TRIM31: variants seen among roughly 807,000 people sequenced by gnomAD.
The protein encoded by TRIM31 is tripartite motif containing 31.
TRIM31 carries 31 observed loss-of-function variants against 40.6 expected under a neutral mutation model. That is an observed-to-expected ratio of 0.76 (90% CI 0.57 to 1.03). The LOEUF is 1.03. Ranked by LOEUF, TRIM31 falls within the 50% of genes least tolerant of loss-of-function variation. The probability of loss-of-function intolerance (pLI) is 0.00; values close to 1 mark genes in which losing one functional copy is unlikely to be tolerated. For missense variants in TRIM31, 455 were observed against 497.5 expected, an observed-to-expected ratio of 0.91 and a Z score of 0.81; for synonymous variants, 164 against 193.9, an observed-to-expected ratio of 0.85 and a Z score of 1.28.
rs375911294 is a variant in TRIM31, at chr6:30,111,608, GT to G, written c.513+39del. On this transcript the variant is annotated intron_variant, in intron 3 of 8. Coordinates refer to ENST00000376734, the MANE Select transcript of TRIM31 (RefSeq NM_007028.5). The stretch of plus-strand genomic sequence containing the variant: ...GGATTCCAGGAGCTTTGGCAGAGAT[GT>G]TTCTGCTTCCAGAGATCGTGGGATG... The G allele has an allele frequency of 0.011, 17,117 of 1,592,958 alleles. 924 individuals carry two copies. In the South Asian group the frequency reaches 0.13, roughly 12 times the overall value.
Position 30,107,143 on chromosome 6 carries a change from G to A in TRIM31, c.883+910C>T, listed in dbSNP as rs551156476. The stretch of plus-strand genomic sequence containing the variant: ...AACAAATAAATAAAGTTGCTAGATC[G>A]GCTGAGATCATGCCCAGTGGGGTGG... On this transcript the variant is annotated intron_variant, in intron 6 of 8. Coordinates refer to ENST00000376734, the MANE Select transcript of TRIM31 (RefSeq NM_007028.5). 1.2e-4 allele frequency among the ~76,000 whole-genome samples: 18 copies of A among 152,224 alleles called. No homozygotes were observed. The South Asian group carries it at 2.3e-3, about 19-fold the overall frequency.
At chr6:30,108,950 C>A in intron 5 of TRIM31, 76 bp downstream of exon 5, 1 of 1,481,270 alleles carries the variant, frequency 6.8e-7, no homozygotes, top group African/African-American at 1.4e-5. Flanking sequence ...GGAATGTTGA[C>A]TGCATTTGGA....
chr6:30,112,898 G>T lies in TRIM31; in HGVS notation c.-83-10C>A. 7.7e-7 allele frequency: 1 copy of T among 1,298,088 alleles called. No individual in the cohort carries two copies. The highest frequency in any genetic ancestry group is 1.0e-6 in the Non-Finnish European group (1 of 964,826). 80.4% of individuals were successfully genotyped at this position (1,298,088 alleles called of 1,614,324 possible). ...ACTGTGGATACTGTTTCTAGGAAGG[G>T]AGAAGGGAGTCAGAGAAAGTGGAGG... On this transcript the variant is annotated splice_polypyrimidine_tract_variant and intron_variant, in intron 1 of 8. Transcript: ENST00000376734.
chr6:30,110,664 A>G lies in TRIM31; in HGVS notation c.528T>C (p.His176=), dbSNP rs779795574. Residue 176 remains histidine (H), a synonymous_variant, in exon 4 of 9, where the codon CAT becomes CAC. Coordinates refer to ENST00000376734, the MANE Select transcript of TRIM31 (RefSeq NM_007028.5). The part of the protein sequence containing the change: ...RVDVFTDQVE[H]EKQRILTEFE... Reference sequence around the variant, plus strand: ...ATTCTGTGAGGATCCTTTGCTTCTCATGTTCTACCTGGTCCTAAGAAACAG... The same window carrying G: ...ATTCTGTGAGGATCCTTTGCTTCTCGTGTTCTACCTGGTCCTAAGAAACAG... The G allele has an allele frequency of 6.2e-7, 1 of 1,614,090 alleles. No individual in the cohort carries two copies. The highest frequency in any genetic ancestry group is 8.5e-7 in the Non-Finnish European group (1 of 1,180,016).
intron 3 of TRIM31, 145 bp from the exon 4 acceptor site, chr6:30,110,823 A>G (rs900792842): frequency 2.7e-6 from 2 of 751,604 alleles, no homozygotes; most frequent in African/African-American, 3.5e-5. Context: ...AAAGGAAAGG[A>G]GAGGAGAACA....
intron 4 of TRIM31, 131 bp from the exon 5 acceptor site, chr6:30,109,179 C>T: frequency 1.2e-6 from 1 of 854,114 alleles, no homozygotes. Flanking sequence ...TCTCTTACCC[C>T]ATCCTCCTCC....
Position 30,107,952 on chromosome 6 carries a change from G to T in TRIM31, c.883+101C>A, listed in dbSNP as rs1463077754. 8.8e-6 allele frequency: 7 copies of T among 795,536 alleles called. No homozygotes were observed. The African/African-American group carries it at 1.2e-4, about 14-fold the overall frequency. 49.3% of individuals were successfully genotyped at this position (795,536 alleles called of 1,614,324 possible). On this transcript the variant is annotated intron_variant, in intron 6 of 8. Transcript: ENST00000376734. The stretch of plus-strand genomic sequence containing the variant: ...AAGCCTGGCACTAGAAGGGCCCAGG[G>T]ATTGTTGGCATGTATGAGTCACAGT...
intron 7 of TRIM31, among the ~76,000 whole-genome samples, chr6:30,104,392 G>A (rs900498793): frequency 6.6e-6 from 1 of 152,128 alleles, no homozygotes; most frequent in Admixed American, 6.5e-5. Context: ...GGGATACTAA[G>A]CATTTAACAG....
At chr6:30,111,822 G>C in intron 2 of TRIM31, 79 bp from the exon 3 acceptor site, 1 of 1,322,964 alleles carries the variant, frequency 7.6e-7, no homozygotes, top group Non-Finnish European at 1.1e-6. Context: ...TCTTAGGAGA[G>C]CTGGTGACAC....
intron 5 of TRIM31, chr6:30,108,637 G>A (rs1285209727): frequency 3.2e-6 from 1 of 315,210 alleles, no homozygotes; most frequent in East Asian, 6.2e-5. Context: ...GTCAGGGCTA[G>A]GGATATGGGG....
rs749818823 is a variant in TRIM31 at position 30,110,432 on chromosome 6, C to T, written c.744+16G>A. ...GGGCTGCTACCTCTCTGCAATTCTGCCCCCAAGGGACTCACCTCCAGCAGC... is the reference window on the plus strand; with the variant it reads ...GGGCTGCTACCTCTCTGCAATTCTGTCCCCAAGGGACTCACCTCCAGCAGC... On this transcript the variant is annotated intron_variant, in intron 4 of 8. Coordinates refer to ENST00000376734, the MANE Select transcript of TRIM31 (RefSeq NM_007028.5). 1.1e-5 allele frequency: 17 copies of T among 1,612,258 alleles called. No homozygotes were observed. Among genetic ancestry groups the T allele is most frequent in the Admixed American group, 1.7e-5 (1 of 59,970 alleles).
In TRIM31 at chr6:30,108,033, A is replaced by G; in HGVS notation, c.883+20T>C. On this transcript the variant is annotated intron_variant, in intron 6 of 8. Transcript: ENST00000376734. ...TCTCCTGGAAGTAGGTGAATAGAGA[A>G]AATACAGCCTCTTCCTTACCTTTGA... 6.7e-7 allele frequency: 1 copy of G among 1,498,102 alleles called. No individual in the cohort carries two copies. The highest frequency in any genetic ancestry group is 9.3e-7 in the Non-Finnish European group (1 of 1,077,226). The allele number at this position is 1,498,102 out of a possible 1,614,324, so 92.8% of individuals were successfully genotyped here.
chr6:30,112,423 A>C lies in TRIM31; in HGVS notation c.383T>G (p.Val128Gly), dbSNP rs1189017191. Residue 128 changes from valine to glycine, a missense_variant, in exon 2 of 9, where the codon GTC (valine) becomes GGC (glycine). Transcript: ENST00000376734. Reference protein sequence around the residue: ...RESKDHKSHNVSLIEEAAQNY... With the variant: ...RESKDHKSHNGSLIEEAAQNY... ...CTGGGCAGCTTCTTCGATCAAGCTG[A>C]CATTATGGGATTTGTGGTCCTTGGA... The C allele has an allele frequency of 6.2e-7, 1 of 1,612,850 alleles. No individual in the cohort carries two copies. Among genetic ancestry groups the C allele is most frequent in the South Asian group, 1.1e-5 (1 of 91,020 alleles).
In TRIM31 at chr6:30,112,478, C is replaced by T. The variant is rs768959167; in HGVS notation, c.328G>A (p.Gly110Arg). 60 of 1,612,994 alleles carry T rather than the reference C, an allele frequency of 3.7e-5. No individual in the cohort carries two copies. The highest frequency in any genetic ancestry group is 1.8e-4 in the East Asian group (8 of 44,902). The change falls in exon 2 of 9, where the codon GGG becomes AGG. Residue 110 changes from glycine to arginine, a missense_variant. Coordinates refer to ENST00000376734, the MANE Select transcript of TRIM31 (RefSeq NM_007028.5). ...EMFHYFCEDD[G>R]KFLCFVCRES... ...CGACACACAAAACAGAGGAACTTCC[C>T]ATCATCCTCGCAGAAATAGTGGAAC...
Position 30,108,186 on chromosome 6 carries a change from A to G in TRIM31, c.768-18T>C. Reference sequence around the variant, plus strand: ...CTTCACTTCTAGGAAGATGTGGTTGAGCTGGTTGGTGAGATCAGGGGATGA... The same window carrying G: ...CTTCACTTCTAGGAAGATGTGGTTGGGCTGGTTGGTGAGATCAGGGGATGA... On this transcript the variant is annotated intron_variant, in intron 5 of 8. Transcript: ENST00000376734. 1 of 1,575,668 alleles carries G rather than the reference A, an allele frequency of 6.3e-7. No homozygotes were observed. The highest frequency in any genetic ancestry group is 8.7e-7 in the Non-Finnish European group (1 of 1,147,518).
rs1361750512 is a variant in TRIM31, at chr6:30,103,927, G to A, written c.1025-138C>T. The A allele has an allele frequency of 2.8e-6, 4 of 1,433,298 alleles. No homozygotes were observed. In the African/African-American group the frequency reaches 5.7e-5, roughly 20 times the overall value. 88.8% of individuals were successfully genotyped at this position (1,433,298 alleles called of 1,614,324 possible). ...AACTCAAGAAAGTACACCTGAACAA[G>A]TCGGAGCGCCCTCTGTTTCCTGGCA... On this transcript the variant is annotated intron_variant, in intron 8 of 8. Coordinates refer to ENST00000376734, the MANE Select transcript of TRIM31 (RefSeq NM_007028.5).
chr6:30,112,009 C>T (rs1769381066), intron 2 of TRIM31: 1 of 567,762 alleles, frequency 1.8e-6, no homozygotes, highest in Non-Finnish European at 3.1e-6. Context: ...GAACTACAAA[C>T]TTCCCTTCAT....
Position 30,112,902 on chromosome 6 carries a change from AG to A in TRIM31, c.-83-15del. On this transcript the variant is annotated splice_polypyrimidine_tract_variant and intron_variant, in intron 1 of 8. Coordinates refer to ENST00000376734, the MANE Select transcript of TRIM31 (RefSeq NM_007028.5). The stretch of plus-strand genomic sequence containing the variant: ...TGGATACTGTTTCTAGGAAGGGAGA[AG>A]GGAGTCAGAGAAAGTGGAGGTCAGA... 1 of 1,256,706 alleles carries A rather than the reference AG, an allele frequency of 8.0e-7. No homozygotes were observed. 77.8% of individuals were successfully genotyped at this position (1,256,706 alleles called of 1,614,324 possible).
chr6:30,110,348 G>T (rs1197739838), intron 4 of TRIM31, 100 bp downstream of exon 4: 1 of 1,135,178 alleles, frequency 8.8e-7, no homozygotes, highest in South Asian at 1.4e-5. Flanking sequence ...GAGGTAGGAT[G>T]GTTGGGGCAA....
Sources: allele counts gnomAD v4.1 joint callset (sites outside exome capture counted in the v4.1 genomes callset), GRCh38; gene constraint gnomAD v4.1.1; transcripts MANE v1.5; gene names NCBI Gene and HGNC (gene_info 2026-07-23, HGNC 2026-07-21).